The following ZFHX4 variants were observed in gnomAD, a reference collection of about 807,000 sequenced individuals.
ZFHX4 encodes the protein zinc finger homeobox 4.
In ZFHX4, 56 loss-of-function variants were observed where a neutral mutation model predicts 267.6. That is an observed-to-expected ratio of 0.21 (90% CI 0.17 to 0.26). ZFHX4 has a LOEUF of 0.26. Ranked by LOEUF, ZFHX4 falls within the 10% of genes least tolerant of loss-of-function variation. The pLI is 1.00. For synonymous variants in ZFHX4, 1,778 were observed against 1,665.6 expected, an observed-to-expected ratio of 1.07 and a Z score of -1.64; for missense variants, 4,332 against 4,420.0, an observed-to-expected ratio of 0.98 and a Z score of 0.56.
Position 76,864,435 on chromosome 8 carries a change from C to T in ZFHX4, c.10721C>T (p.Ser3574Leu), listed in dbSNP as rs979155259. ...VQTSLPTESC[S>L]DESDSELSQK... ...ACCTCACTACCCACAGAAAGTTGTT[C>T]AGATGAGTCTGACAGTGAGCTGAGC... is the stretch of plus-strand genomic sequence containing the variant. The change falls in exon 11 of 11, where the codon TCA becomes TTA. Residue 3574 changes from serine (S) to leucine (L), a missense_variant. Transcript: ENST00000651372. The T allele has an allele frequency of 1.4e-5, 22 of 1,613,676 alleles. No homozygotes were observed. The highest frequency in any genetic ancestry group is 1.9e-5 in the Non-Finnish European group (22 of 1,179,810).
At position 76,704,621 on chromosome 8, in the gene ZFHX4, A is replaced by G. The variant is rs369516002; in HGVS notation, c.533A>G (p.Asp178Gly). Residue 178 changes from aspartate to glycine, a missense_variant, in exon 2 of 11, where the codon GAT becomes GGT. Asp to Gly is a moderately conservative substitution (Grantham distance 94, BLOSUM62 -1). Around this residue, in one of 7 missense-constraint regions of ZFHX4, gnomAD observed 1,195 missense variants for 1,173.6 expected, o/e 1.02. Coordinates refer to ENST00000651372, the MANE Select transcript of ZFHX4 (RefSeq NM_024721.5). ...CTGGCATCTGCTGGAGAGAAGAGTGATCAGTCTGCTTCTGCACCTATGTCG... is the reference window on the plus strand; with the variant it reads ...CTGGCATCTGCTGGAGAGAAGAGTGGTCAGTCTGCTTCTGCACCTATGTCG... ...DSLASAGEKSDQSASAPMSFY... is the reference protein window; with the variant it reads ...DSLASAGEKSGQSASAPMSFY... 10 of 1,613,914 alleles carry G rather than the reference A, an allele frequency of 6.2e-6. No individual in the cohort carries two copies. Among genetic ancestry groups the G allele is most frequent in the South Asian group, 1.1e-5 (1 of 91,082 alleles).
At chr8:76,740,479 C>G (rs1809285627) in intron 3 of ZFHX4, among the ~76,000 whole-genome samples, 1 of 151,592 alleles carries the variant, frequency 6.6e-6, no homozygotes, top group African/African-American at 2.4e-5. Context: ...AATCAGTTTC[C>G]CCAAAACCTA....
intron 4 of ZFHX4, among the ~76,000 whole-genome samples, chr8:76,828,341 G>A (rs1383985629): frequency 1.3e-5 from 2 of 152,092 alleles, no homozygotes; most frequent in African/African-American, 4.8e-5. Context: ...GATGCCTAGA[G>A]GCAGTGCTGT....
intron 4 of ZFHX4, among the ~76,000 whole-genome samples, chr8:76,815,563 A>G (rs747525413): frequency 6.6e-5 from 10 of 152,040 alleles, no homozygotes; most frequent in Non-Finnish European, 1.0e-4. Flanking sequence ...GTGCAGTGGC[A>G]TGATCGTGAC....
Position 76,835,243 on chromosome 8 carries a change from A to ATATATATATG in ZFHX4, c.3394+1846_3394+1847insGTATATATAT, listed in dbSNP as rs1554572192. Among the ~76,000 whole-genome samples, 32 of 102,712 alleles carry ATATATATATG rather than the reference A, an allele frequency of 3.1e-4. 1 individual carries two copies. The highest frequency in any genetic ancestry group is 1.2e-3 in the African/African-American group (27 of 23,000). 67.4% of individuals were successfully genotyped at this position (102,712 alleles called of 152,430 possible). ...TGTATATATATATATATATATATGTATATATATATATATATATTCATACAT... is the reference window on the plus strand; with the variant it reads ...TGTATATATATATATATATATATGTATATATATATGTATATATATATATATATTCATACAT... On this transcript the variant is annotated intron_variant, in intron 5 of 10. Transcript: ENST00000651372.
rs773796942 is a variant in ZFHX4, at chr8:76,705,917, G to A, written c.1829G>A (p.Gly610Asp). ...TPGPGGDGSP[G>D]SGIECPKCDT... The stretch of plus-strand genomic sequence containing the variant: ...GGGCCTGGAGGAGACGGCTCACCGG[G>A]CAGTGGCATCGAGTGTCCAAAGTGC... The change falls in exon 2 of 11, where the codon GGC becomes GAC. Residue 610 changes from glycine (G) to aspartate (D), a missense_variant. By Grantham distance (94) the Gly-to-Asp change is moderately conservative (BLOSUM62 -1). Around this residue, in one of 7 missense-constraint regions of ZFHX4, gnomAD observed 1,195 missense variants for 1,173.6 expected, o/e 1.02. Transcript: ENST00000651372. The A allele has an allele frequency of 1.2e-5, 19 of 1,613,630 alleles. No homozygotes were observed. The highest frequency in any genetic ancestry group is 6.7e-5 in the East Asian group (3 of 44,802).
At position 76,852,734 on chromosome 8, in the gene ZFHX4, G is replaced by A. The variant is rs1301723020; in HGVS notation, c.5813G>A (p.Gly1938Asp). Residue 1938 changes from glycine (G) to aspartate (D), a missense_variant, in exon 10 of 11, where the codon GGT becomes GAT. Gly to Asp is a moderately conservative substitution (Grantham distance 94, BLOSUM62 -1). Coordinates refer to ENST00000651372, the MANE Select transcript of ZFHX4 (RefSeq NM_024721.5). ...AAGGTACAGAAGAAGGGCAAAAGTG[G>A]TGAAGGCGAAAACACTGACAAACTA... ...RQKVQKKGKS[G>D]EGENTDKLEC... 6.2e-7 allele frequency: 1 copy of A among 1,613,854 alleles called. No individual in the cohort carries two copies. Among genetic ancestry groups the A allele is most frequent in the Middle Eastern group, 1.6e-4 (1 of 6,062 alleles).
At chr8:76,778,650 A>G (rs918106906) in intron 4 of ZFHX4, among the ~76,000 whole-genome samples, 5 of 152,192 alleles carry the variant, frequency 3.3e-5, no homozygotes, top group Admixed American at 3.3e-4. Flanking sequence ...GCGGTCCTGC[A>G]TGCGGTGACA....
At chr8:76,736,627 C>T (rs1322965785) in intron 3 of ZFHX4, among the ~76,000 whole-genome samples, 2 of 151,982 alleles carry the variant, frequency 1.3e-5, no homozygotes, top group African/African-American at 4.8e-5. Context: ...TAGAACAGTC[C>T]ATGTAGTTTG....
intron 5 of ZFHX4, among the ~76,000 whole-genome samples, chr8:76,837,382 C>T (rs1036742703): frequency 7.3e-5 from 11 of 151,584 alleles, no homozygotes; most frequent in African/African-American, 2.7e-4. Context: ...AACCACTGAA[C>T]TTAGCATGGG....
intron 4 of ZFHX4, among the ~76,000 whole-genome samples, chr8:76,790,636 G>A (rs1190481221): frequency 6.6e-6 from 1 of 152,094 alleles, no homozygotes; most frequent in African/African-American, 2.4e-5. Context: ...ATCTTCTAAT[G>A]AATCAAGTTT....
In ZFHX4 at chr8:76,842,641, G is replaced by A; in HGVS notation, c.3395-14G>A. On this transcript the variant is annotated splice_polypyrimidine_tract_variant and intron_variant, in intron 5 of 10. Coordinates refer to ENST00000651372, the MANE Select transcript of ZFHX4 (RefSeq NM_024721.5). The stretch of plus-strand genomic sequence containing the variant: ...GGTTTTCAGTTCTACTGATTGGTCT[G>A]CCTTTCTTAACAGAAGAACAAAGTG... 1.9e-6 allele frequency: 3 copies of A among 1,544,260 alleles called. No individual in the cohort carries two copies. Among genetic ancestry groups the A allele is most frequent in the Non-Finnish European group, 2.6e-6 (3 of 1,141,680 alleles).
intron 3 of ZFHX4, among the ~76,000 whole-genome samples, chr8:76,739,153 A>G (rs1809250395): frequency 6.6e-6 from 1 of 152,190 alleles, no homozygotes; most frequent in South Asian, 2.1e-4. Context: ...AAACCATATC[A>G]TTCTGTCATA....
chr8:76,779,159 A>T (rs1810481737), intron 4 of ZFHX4, among the ~76,000 whole-genome samples: 2 of 152,150 alleles, frequency 1.3e-5, no homozygotes, highest in African/African-American at 4.8e-5. Flanking sequence ...AGACGGCTGT[A>T]CTTTTGGCTT....
In ZFHX4 at chr8:76,853,148, C is replaced by G. The variant is rs1333429713; in HGVS notation, c.6227C>G (p.Pro2076Arg). 6.5e-7 allele frequency: 1 copy of G among 1,550,164 alleles called. No homozygotes were observed. Among genetic ancestry groups the G allele is most frequent in the Admixed American group, 2.0e-5 (1 of 50,830 alleles). Residue 2076 changes from proline (P) to arginine (R), a missense_variant, in exon 10 of 11, where the codon CCG becomes CGG. Pro to Arg is a moderately radical substitution (Grantham distance 103). Transcript: ENST00000651372. ...QVQLPVSLDL[P>R]LFPSIMMQPV... ...CAACTGCCGGTTTCTCTGGACCTGC[C>G]GCTCTTTCCTTCCATTATGATGCAA...
chr8:76,773,010 T>G (rs1026397992), intron 3 of ZFHX4, among the ~76,000 whole-genome samples: 1 of 152,142 alleles, frequency 6.6e-6, no homozygotes, highest in African/African-American at 2.4e-5. Context: ...TTATATTTGT[T>G]TATTTTGTTT....
At chr8:76,776,711 G>T in intron 3 of ZFHX4, among the ~76,000 whole-genome samples, 1 of 152,154 alleles carries the variant, frequency 6.6e-6, no homozygotes, top group Admixed American at 6.6e-5. Context: ...CTATTTCTGG[G>T]AATGGGAATG....
At chr8:76,791,515 G>C (rs545779368) in intron 4 of ZFHX4, among the ~76,000 whole-genome samples, 42 of 152,212 alleles carry the variant, frequency 2.8e-4, no homozygotes, top group Non-Finnish European at 4.7e-4. Flanking sequence ...TACCAAATTT[G>C]AGAACATATT....
In ZFHX4 at chr8:76,695,670, T is replaced by C. The variant is rs193251770; in HGVS notation, c.-46-8373T>C. On this transcript the variant is annotated intron_variant, in intron 1 of 10. Coordinates refer to ENST00000651372, the MANE Select transcript of ZFHX4 (RefSeq NM_024721.5). ...AGATTTATTTCATTTTAGGTCCAGT[T>C]AACTGTTCTCTTTCAGATAATGTAC... is the stretch of plus-strand genomic sequence containing the variant. Among the ~76,000 whole-genome samples, 16 of 152,370 alleles carry C rather than the reference T, an allele frequency of 1.1e-4. No homozygotes were observed. The East Asian group carries it at 1.3e-3, about 13-fold the overall frequency.
Sources: allele counts gnomAD v4.1 joint callset (sites outside exome capture counted in the v4.1 genomes callset), GRCh38; gene constraint gnomAD v4.1.1; regional missense constraint gnomAD v4.1.1; transcripts MANE v1.5; gene names NCBI Gene and HGNC (gene_info 2026-07-23, HGNC 2026-07-21).